The following TMEM229B variants were observed in gnomAD, a reference collection of about 807,000 sequenced individuals.
The protein encoded by TMEM229B is transmembrane protein 229B.
TMEM229B carries 6 observed loss-of-function variants against 13.7 expected under a neutral mutation model. The observed-to-expected ratio is 0.44, with a 90% CI of 0.24 to 0.86. The LOEUF (loss-of-function observed/expected upper bound fraction) is 0.86, where lower values mean the gene tolerates loss of function less well. TMEM229B is among the 40% of genes least tolerant of loss of function. TMEM229B has a pLI of 0.23. For missense variants in TMEM229B, 170 were observed against 236.0 expected, an observed-to-expected ratio of 0.72 and a Z score of 1.83; for synonymous variants, 107 against 102.1, an observed-to-expected ratio of 1.05 and a Z score of -0.29.
chr14:67,473,753 G>A lies in TMEM229B; in HGVS notation c.171C>T (p.Ile57=). Residue 57 remains isoleucine (I), a synonymous_variant, in exon 3 of 3, where the codon ATC becomes ATT. Coordinates refer to ENST00000554480, the MANE Select transcript of TMEM229B (RefSeq NM_001348543.2). The surrounding 1 kb of genome is among the most constrained non-coding windows in gnomAD (Gnocchi z 6.5). ...GCAGGTACATGCGCTCCACGATGAGGATGGAGGTGCCGTAGATGAAGAGGG... is the reference window on the plus strand; with the variant it reads ...GCAGGTACATGCGCTCCACGATGAGAATGGAGGTGCCGTAGATGAAGAGGG... ...VWALFIYGTS[I]LIVERMYLRL... is the part of the protein sequence containing the mutation. 6.2e-7 allele frequency: 1 copy of A among 1,613,646 alleles called. No homozygotes were observed. The highest frequency in any genetic ancestry group is 2.2e-5 in the East Asian group (1 of 44,866).
upstream of TMEM229B, among the ~76,000 whole-genome samples, chr14:67,516,510 TAAGAA>T (rs1403188117): frequency 6.6e-6 from 1 of 152,152 alleles, no homozygotes; most frequent in African/African-American, 2.4e-5. Flanking sequence ...CAGAATCTTC[TAAGAA>T]AAGGAACCTA....
intron 1 of TMEM229B, among the ~76,000 whole-genome samples, chr14:67,522,309 T>C (rs893514094): frequency 6.6e-6 from 1 of 152,238 alleles, no homozygotes; most frequent in African/African-American, 2.4e-5. Context: ...GCCTAGATGC[T>C]GGGCAAATTT....
intron 1 of TMEM229B, among the ~76,000 whole-genome samples, chr14:67,493,963 C>T (rs1016650894): frequency 3.3e-5 from 5 of 152,008 alleles, no homozygotes; most frequent in Non-Finnish European, 5.9e-5. Context: ...GCTGTCTGCT[C>T]TCCATCTGAA....
intron 1 of TMEM229B, among the ~76,000 whole-genome samples, chr14:67,520,694 C>G (rs2033278241): frequency 6.8e-6 from 1 of 148,046 alleles, no homozygotes; most frequent in African/African-American, 2.5e-5. Context: ...TTGGGCGTAC[C>G]ACAGTTTATT....
chr14:67,528,280 G>T (rs894764781), intron 1 of TMEM229B, among the ~76,000 whole-genome samples: 3 of 152,196 alleles, frequency 2.0e-5, no homozygotes, highest in East Asian at 1.9e-4. Flanking sequence ...CCCACTGTCA[G>T]CATGAAAACC....
chr14:67,491,858 C>A (rs1004115691), upstream of TMEM229B, among the ~76,000 whole-genome samples: 2 of 152,210 alleles, frequency 1.3e-5, no homozygotes, highest in Non-Finnish European at 2.9e-5. Context: ...CTGTGTCTGT[C>A]CAGCTCCCCC....
upstream of TMEM229B, among the ~76,000 whole-genome samples, chr14:67,488,911 C>G (rs541353674): frequency 3.9e-5 from 6 of 152,306 alleles, no homozygotes; most frequent in Non-Finnish European, 8.8e-5. Flanking sequence ...GCTTTTTCCC[C>G]AGGAAAAACT....
chr14:67,506,293 A>C (rs1345514922), intron 1 of TMEM229B, among the ~76,000 whole-genome samples: 3 of 152,192 alleles, frequency 2.0e-5, no homozygotes, highest in African/African-American at 7.2e-5. Flanking sequence ...ACCGTCTCCT[A>C]TGAATAACCA....
chr14:67,531,580 C>G (rs1219010365), intron 1 of TMEM229B, among the ~76,000 whole-genome samples: 1 of 151,882 alleles, frequency 6.6e-6, no homozygotes, highest in Admixed American at 6.6e-5. Context: ...ATTCCACTCT[C>G]CATGGTGCGT....
intron 1 of TMEM229B, among the ~76,000 whole-genome samples, chr14:67,528,407 C>T (rs1425537510): frequency 6.6e-6 from 1 of 152,180 alleles, no homozygotes; most frequent in Non-Finnish European, 1.5e-5. Context: ...ACACAGGCTC[C>T]CTGGGCTGTT....
chr14:67,503,354 A>G (rs1166646136), intron 1 of TMEM229B: 1 of 152,190 alleles, frequency 6.6e-6, no homozygotes, highest in Non-Finnish European at 1.5e-5. Flanking sequence ...TGTATGCCAG[A>G]TTAGTTGTGC....
chr14:67,484,884 C>T (rs1206263613), intron 2 of TMEM229B, among the ~76,000 whole-genome samples: 1 of 152,202 alleles, frequency 6.6e-6, no homozygotes, highest in African/African-American at 2.4e-5. Flanking sequence ...CTGCAACCTG[C>T]CATTTTTACT....
rs2140026423 is a variant in TMEM229B, at chr14:67,472,598, G to C, written c.*822C>G. ...GAACAGTGGAGGGAAGGGCTGCAAG[G>C]GGGTGAGGGTTGGGGGTGTCTCAGG... On this transcript the variant is annotated 3_prime_UTR_variant, in exon 3 of 3. Transcript: ENST00000554480. The C allele has an allele frequency of 6.5e-6, 1 of 152,872 alleles. No individual in the cohort carries two copies. The highest frequency in any genetic ancestry group is 2.1e-4 in the South Asian group (1 of 4,828). The allele number at this position is 152,872 out of a possible 1,614,324, so 9.5% of individuals were successfully genotyped here.
At position 67,484,633 on chromosome 14, in the gene TMEM229B, G is replaced by A. The variant is rs1594687828; in HGVS notation, c.-19+2367C>T. On this transcript the variant is annotated intron_variant, in intron 2 of 2. Coordinates refer to ENST00000554480, the MANE Select transcript of TMEM229B (RefSeq NM_001348543.2). ...AGCCAATCCATGCATCATAGAAGAA[G>A]CATTCATAGGCCGGGCATGGGGGCT... 5.9e-5 allele frequency among the ~76,000 whole-genome samples: 9 copies of A among 152,164 alleles called. No individual in the cohort carries two copies. The South Asian group carries it at 1.9e-3, about 32-fold the overall frequency.
chr14:67,493,691 G>C (rs2032256153), upstream of TMEM229B, among the ~76,000 whole-genome samples: 1 of 152,096 alleles, frequency 6.6e-6, no homozygotes, highest in Non-Finnish European at 1.5e-5. Context: ...ACATTCCCCT[G>C]GTTCTGTGAT....
chr14:67,496,427 A>G (rs1594700802), intron 1 of TMEM229B, among the ~76,000 whole-genome samples: 1 of 34,742 alleles, frequency 2.9e-5, no homozygotes, highest in Non-Finnish European at 6.2e-5. Context: ...TTTTTGAGAC[A>G]GGGTCTGGCT....
At chr14:67,486,827 G>T (rs746547630) in intron 2 of TMEM229B, among the ~76,000 whole-genome samples, 173 bp downstream of exon 2, 2 of 152,184 alleles carry the variant, frequency 1.3e-5, no homozygotes, top group East Asian at 1.9e-4. Flanking sequence ...GACGGCTCCC[G>T]CATGTGATGG....
chr14:67,504,343 A>G (rs2032737003), intron 1 of TMEM229B, among the ~76,000 whole-genome samples: 1 of 152,246 alleles, frequency 6.6e-6, no homozygotes, highest in Non-Finnish European at 1.5e-5. Context: ...GAGAAAATAT[A>G]AGTACGTTCC....
chr14:67,492,222 C>T (rs140092254), upstream of TMEM229B, among the ~76,000 whole-genome samples: 9 of 152,298 alleles, frequency 5.9e-5, no homozygotes, highest in Non-Finnish European at 7.3e-5. Flanking sequence ...TTCCCACCCC[C>T]GGCAATCAGT....
Sources: allele counts gnomAD v4.1 joint callset (sites outside exome capture counted in the v4.1 genomes callset), GRCh38; gene constraint gnomAD v4.1.1; non-coding constraint Gnocchi (gnomAD v3.1); transcripts MANE v1.5; gene names NCBI Gene and HGNC (gene_info 2026-07-23, HGNC 2026-07-21).